FAM98B: variants seen among roughly 807,000 people sequenced by gnomAD.
FAM98B encodes tRNA-splicing ligase complex subunit FAM98B.
In FAM98B, 32 loss-of-function variants were observed where a neutral mutation model predicts 43.9. That is an observed-to-expected ratio of 0.73 (90% CI 0.55 to 0.98). The LOEUF (loss-of-function observed/expected upper bound fraction) is 0.98. FAM98B is among the 50% of genes least tolerant of loss of function. The probability of loss-of-function intolerance (pLI) is 0.00; values close to 1 mark genes in which losing one functional copy is unlikely to be tolerated. For missense variants in FAM98B, 514 were observed against 522.9 expected (o/e 0.98, Z 0.17); for synonymous variants, 190 against 174.0 (o/e 1.09, Z -0.72).
At chr15:38,461,905 A>G (rs1056999979) in intron 1 of FAM98B, among the ~76,000 whole-genome samples, 1 of 152,150 alleles carries the variant, frequency 6.6e-6, no homozygotes, top group African/African-American at 2.4e-5. Context: ...AAAGTTATGT[A>G]TCTATTTACC....
At chr15:38,476,983 T>G (rs1890210157) in intron 6 of FAM98B, among the ~76,000 whole-genome samples, 1 of 152,070 alleles carries the variant, frequency 6.6e-6, no homozygotes, top group African/African-American at 2.4e-5. Context: ...AGAGCAAGAC[T>G]CTGTCTCTAA....
At chr15:38,459,500 A>C (rs1053292627) in intron 1 of FAM98B, 1 of 330,202 alleles carries the variant, frequency 3.0e-6, no homozygotes, top group African/African-American at 2.2e-5. Flanking sequence ...GCACCAGGGC[A>C]TCTTCCCCTG....
chr15:38,465,197 C>T (rs1031985535), intron 2 of FAM98B, 72 bp from the exon 3 acceptor site: 16 of 1,412,816 alleles, frequency 1.1e-5, no homozygotes, highest in Admixed American at 2.7e-5. Flanking sequence ...TGGAAATAAA[C>T]GAGTAGATTT....
chr15:38,466,879 C>G (rs1350840744), intron 3 of FAM98B, among the ~76,000 whole-genome samples: 2 of 152,144 alleles, frequency 1.3e-5, no homozygotes, highest in African/African-American at 4.8e-5. Flanking sequence ...ACAACACTCT[C>G]ACACTCGCAC....
At chr15:38,458,944 C>T (rs1346027831) in intron 1 of FAM98B, 2 of 413,548 alleles carry the variant, frequency 4.8e-6, no homozygotes, top group Non-Finnish European at 9.8e-6. Flanking sequence ...GGTTCCTCCC[C>T]AGGCGGCTGA....
intron 4 of FAM98B, among the ~76,000 whole-genome samples, chr15:38,473,251 G>A (rs1250720183): frequency 6.6e-6 from 1 of 152,092 alleles, no homozygotes; most frequent in African/African-American, 2.4e-5. Flanking sequence ...TAGAACCTAG[G>A]TACTTCTTTA....
At chr15:38,477,351 A>T (rs1595803161) in intron 6 of FAM98B, among the ~76,000 whole-genome samples, 1 of 151,940 alleles carries the variant, frequency 6.6e-6, no homozygotes, top group East Asian at 1.9e-4. Flanking sequence ...GAGTAGCAGC[A>T]TGTCACCAGG....
At chr15:38,460,141 G>A (rs1889924676) in intron 1 of FAM98B, among the ~76,000 whole-genome samples, 1 of 152,202 alleles carries the variant, frequency 6.6e-6, no homozygotes, top group South Asian at 2.1e-4. Context: ...AGGGTATGAG[G>A]CTTTGAGGGA....
intron 3 of FAM98B, among the ~76,000 whole-genome samples, chr15:38,466,604 T>G (rs1204815680): frequency 6.6e-6 from 1 of 152,090 alleles, no homozygotes; most frequent in Non-Finnish European, 1.5e-5. Context: ...ATTATAAAAA[T>G]AACATGTTCA....
At chr15:38,480,619 A>G (rs1265473393) in intron 6 of FAM98B, among the ~76,000 whole-genome samples, 1 of 152,156 alleles carries the variant, frequency 6.6e-6, no homozygotes, top group Non-Finnish European at 1.5e-5. Context: ...ATAAAAACCA[A>G]CCACTCTAAA....
chr15:38,481,396 A>G lies in FAM98B; in HGVS notation c.834A>G (p.Leu278=), dbSNP rs1016184412. ...MAHLLAARED[L]SKIIRTSSGT... ...ATCTACTTGCTGCTCGTGAAGATCT[A>G]TCCAAGATCATTAGGACAAGTAGTG... is the stretch of plus-strand genomic sequence containing the variant. Residue 278 remains leucine, a synonymous_variant, in exon 7 of 8, where the codon CTA becomes CTG. Transcript: ENST00000397609. The G allele has an allele frequency of 4.3e-6, 7 of 1,614,088 alleles. No homozygotes were observed. In the African/African-American group the frequency reaches 5.3e-5, roughly 12 times the overall value.
At chr15:38,466,352 T>G (rs1262872554) in intron 3 of FAM98B, among the ~76,000 whole-genome samples, 1 of 152,138 alleles carries the variant, frequency 6.6e-6, no homozygotes, top group Non-Finnish European at 1.5e-5. Context: ...GTCACTGATT[T>G]AATGAACCAC....
At chr15:38,480,707 A>T (rs1194765180) in intron 6 of FAM98B, among the ~76,000 whole-genome samples, 3 of 152,188 alleles carry the variant, frequency 2.0e-5, no homozygotes, top group Admixed American at 6.5e-5. Flanking sequence ...TTCTCATTAA[A>T]TGTTAACTGA....
At chr15:38,459,131 A>G in intron 1 of FAM98B, 1 of 342,852 alleles carries the variant, frequency 2.9e-6, no homozygotes, top group South Asian at 2.6e-5. Flanking sequence ...AGCTCTTTTG[A>G]GGACAGAAAC....
At chr15:38,455,507 C>A (rs1889834761) in intron 1 of FAM98B, among the ~76,000 whole-genome samples, 1 of 152,176 alleles carries the variant, frequency 6.6e-6, no homozygotes, top group Admixed American at 6.5e-5. Flanking sequence ...CGGAGTCTTG[C>A]ACTTAGTAGA....
intron 4 of FAM98B, among the ~76,000 whole-genome samples, chr15:38,472,414 AG>A (rs1304691942): frequency 1.3e-5 from 2 of 152,110 alleles, no homozygotes; most frequent in African/African-American, 2.4e-5. Flanking sequence ...TTGTAGATGT[AG>A]ATTTGCTGTG....
chr15:38,485,947 C>T lies in FAM98B; in HGVS notation c.*1288C>T, dbSNP rs112948905. The T allele has an allele frequency of 2.3e-3, 352 of 152,242 alleles. 1 individual carries two copies. Among genetic ancestry groups the T allele is most frequent in the African/African-American group, 7.8e-3 (322 of 41,536 alleles). 9.4% of individuals were successfully genotyped at this position (152,242 alleles called of 1,614,324 possible). A position where few individuals can be genotyped will look rare whatever the true frequency, so the allele number is the denominator to read the frequency against. On this transcript the variant is annotated 3_prime_UTR_variant, in exon 8 of 8. Coordinates refer to ENST00000397609, the MANE Select transcript of FAM98B (RefSeq NM_173611.4). ...CTGTATCTCATTGTAGGCTTCTGGT[C>T]AATACCTATACATAACAACTTAATG... is the stretch of plus-strand genomic sequence containing the variant.
chr15:38,456,652 T>A lies in FAM98B; in HGVS notation c.71+2420T>A, dbSNP rs567039369. 6.6e-5 allele frequency among the ~76,000 whole-genome samples: 10 copies of A among 152,228 alleles called. No individual in the cohort carries two copies. The East Asian group carries it at 1.9e-3, about 29-fold the overall frequency. On this transcript the variant is annotated intron_variant, in intron 1 of 7. Coordinates refer to ENST00000397609, the MANE Select transcript of FAM98B (RefSeq NM_173611.4). ...TGATGTAACAGGAGGATCTAAGAAG[T>A]CTTAGGGGTTAGTGATAGATTCCTG... is the stretch of plus-strand genomic sequence containing the variant.
intron 3 of FAM98B, among the ~76,000 whole-genome samples, chr15:38,469,541 G>T (rs1419023709): frequency 6.6e-6 from 1 of 152,106 alleles, no homozygotes; most frequent in Non-Finnish European, 1.5e-5. Context: ...CTCTTTGAGG[G>T]TAGGCATCAT....
Sources: allele counts gnomAD v4.1 joint callset (sites outside exome capture counted in the v4.1 genomes callset), GRCh38; gene constraint gnomAD v4.1.1; transcripts MANE v1.5; gene names NCBI Gene and HGNC (gene_info 2026-07-23, HGNC 2026-07-21).